FBXO2: variants seen among roughly 807,000 people sequenced by gnomAD.
FBXO2 encodes the protein F-box only protein 2.
Under a neutral mutation model 38.6 loss-of-function variants are expected in FBXO2, and 32 were observed. The ratio of observed to expected loss-of-function variants is 0.83; its 90% CI spans 0.62 to 1.11. The LOEUF is 1.11. Among genes scored for constraint, FBXO2 ranks in the 50% most tolerant of loss-of-function variants. The pLI is 0.00. For missense variants in FBXO2, 450 were observed against 418.3 expected (o/e 1.08, Z -0.66); for synonymous variants, 189 against 182.9 (o/e 1.03, Z -0.27).
rs777442572 is a variant in FBXO2, at chr1:11,648,488, G to A, written c.*206C>T. The A allele has an allele frequency of 4.6e-5, 30 of 650,788 alleles. No homozygotes were observed. The highest frequency in any genetic ancestry group is 7.3e-5 in the Non-Finnish European group (28 of 385,128). The allele number at this position is 650,788 out of a possible 1,614,324, so 40.3% of individuals were successfully genotyped here. ...GTCCAGTCCAAGCTCACGCCCTCAC[G>A]GATCTACATTCTAGAAGCCGGCTAC... On this transcript the variant is annotated 3_prime_UTR_variant, in exon 6 of 6. Transcript: ENST00000354287. The surrounding 1 kb of genome is among the most constrained non-coding windows in gnomAD (Gnocchi z 4.2).
In FBXO2 at chr1:11,648,508, G is replaced by A. The variant is rs1284983954; in HGVS notation, c.*186C>T. Reference sequence around the variant, plus strand: ...CTCACGGATCTACATTCTAGAAGCCGGCTACCTAAGCAAACCTATGCCAAC... The same window carrying A: ...CTCACGGATCTACATTCTAGAAGCCAGCTACCTAAGCAAACCTATGCCAAC... On this transcript the variant is annotated 3_prime_UTR_variant, in exon 6 of 6. Coordinates refer to ENST00000354287, the MANE Select transcript of FBXO2 (RefSeq NM_012168.6). The surrounding 1 kb of genome is among the most constrained non-coding windows in gnomAD (Gnocchi z 4.2). The A allele has an allele frequency of 4.0e-6, 3 of 756,946 alleles. No homozygotes were observed. Among genetic ancestry groups the A allele is most frequent in the Admixed American group, 2.9e-5 (1 of 34,542 alleles). The allele number at this position is 756,946 out of a possible 1,614,324, so 46.9% of individuals were successfully genotyped here.
Position 11,650,040 on chromosome 1 carries a change from A to C in FBXO2, c.426T>G (p.Gly142=), listed in dbSNP as rs759157206. ...DLEGWCDVEH[G]GDGWRVEELP... is the part of the protein sequence containing the mutation. ...GCTCCTCCACCCTCCAGCCGTCCCCACCATGCTCCACGTCACACCAGCCTT... is the reference window on the plus strand; with the variant it reads ...GCTCCTCCACCCTCCAGCCGTCCCCCCCATGCTCCACGTCACACCAGCCTT... Residue 142 remains glycine, a synonymous_variant, in exon 3 of 6, where the codon GGT becomes GGG. Coordinates refer to ENST00000354287, the MANE Select transcript of FBXO2 (RefSeq NM_012168.6). The C allele has an allele frequency of 3.1e-6, 5 of 1,613,720 alleles. No individual in the cohort carries two copies. The African/African-American group carries it at 6.7e-5, about 22-fold the overall frequency.
chr1:11,650,671 C>T lies in FBXO2; in HGVS notation c.186G>A (p.Leu62=), dbSNP rs373349311. Residue 62 remains leucine (L), a synonymous_variant, in exon 2 of 6, where the codon CTG becomes CTA. Coordinates refer to ENST00000354287, the MANE Select transcript of FBXO2 (RefSeq NM_012168.6). ...EPLLLRVLAA[L]PAAELVQACR... ...AGGCCTGCACCAGCTCGGCGGCCGG[C>T]AGTGCGGCCAGCACGCGCAGCAGCA... 1.0e-5 allele frequency: 16 copies of T among 1,542,586 alleles called. No homozygotes were observed. In the East Asian group the frequency reaches 2.7e-4, roughly 26 times the overall value.
intron 1 of FBXO2, among the ~76,000 whole-genome samples, chr1:11,652,901 G>C (rs1186445827): frequency 1.3e-5 from 2 of 152,212 alleles, no homozygotes; most frequent in Non-Finnish European, 2.9e-5. Flanking sequence ...TGAGTCCTCA[G>C]TCAATCTTAC....
In FBXO2 at chr1:11,649,174, T is replaced by C. The variant is rs1639471715; in HGVS notation, c.669A>G (p.Leu223=). The part of the protein sequence containing the change: ...AGCLYELTVK[L]LSEHENVLAE... Reference sequence around the variant, plus strand: ...CCAGCACGTTCTCGTGCTCGGACAGTAGCTTAACGGTGAGCTCGTAGAGGC... The same window carrying C: ...CCAGCACGTTCTCGTGCTCGGACAGCAGCTTAACGGTGAGCTCGTAGAGGC... Residue 223 remains leucine (L), a synonymous_variant, in exon 5 of 6, where the codon CTA becomes CTG. Transcript: ENST00000354287. The C allele has an allele frequency of 6.4e-7, 1 of 1,566,124 alleles. No homozygotes were observed. The highest frequency in any genetic ancestry group is 8.6e-7 in the Non-Finnish European group (1 of 1,156,198).
At chr1:11,650,889 GC>G in intron 1 of FBXO2, 55 bp from the exon 2 acceptor site, 9 of 1,538,344 alleles carry the variant, frequency 5.9e-6, no homozygotes, top group Non-Finnish European at 7.8e-6. Context: ...ACTCCTCCAG[GC>G]CCCAGGACTG....
chr1:11,648,972 T>TCAGCCTATCTCAGCC lies in FBXO2; in HGVS notation c.756+114_756+115insGGCTGAGATAGGCTG, dbSNP rs1639465133. 1 of 713,240 alleles carries TCAGCCTATCTCAGCC rather than the reference T, an allele frequency of 1.4e-6. No homozygotes were observed. Among genetic ancestry groups the TCAGCCTATCTCAGCC allele is most frequent in the Non-Finnish European group, 2.1e-6 (1 of 475,534 alleles). The allele number at this position is 713,240 out of a possible 1,614,324, so 44.2% of individuals were successfully genotyped here. A position where few individuals can be genotyped will look rare whatever the true frequency, so the allele number is the denominator to read the frequency against. On this transcript the variant is annotated intron_variant, in intron 5 of 5. Transcript: ENST00000354287. The surrounding 1 kb of genome is among the most constrained non-coding windows in gnomAD (Gnocchi z 4.2). ...CTCTCTCCACCACCCGGTGACTATCTCAGCCCAGCCCAGCCCAGCCCACCC... is the reference window on the plus strand; with the variant it reads ...CTCTCTCCACCACCCGGTGACTATCTCAGCCTATCTCAGCCCAGCCCAGCCCAGCCCAGCCCACCC...
Position 11,649,818 on chromosome 1 carries a change from A to C in FBXO2, c.578T>G (p.Leu193Arg). 6.2e-7 allele frequency: 1 copy of C among 1,613,902 alleles called. No individual in the cohort carries two copies. The highest frequency in any genetic ancestry group is 8.5e-7 in the Non-Finnish European group (1 of 1,179,986). ...GATGGCCGGCTGAGTCGTGTCCAGC[A>C]GCTCCTCCCAGTAGCCCTCAGCCTG... Reference protein sequence around the residue: ...DLQAEGYWEELLDTTQPAIVV... With the variant: ...DLQAEGYWEERLDTTQPAIVV... Residue 193 changes from leucine (L) to arginine (R), a missense_variant, in exon 4 of 6, where the codon CTG becomes CGG. Leu to Arg is a moderately radical substitution (Grantham distance 102). Coordinates refer to ENST00000354287, the MANE Select transcript of FBXO2 (RefSeq NM_012168.6).
Position 11,650,568 on chromosome 1 carries a change from G to A in FBXO2, c.289C>T (p.Leu97=), listed in dbSNP as rs1482467679. Residue 97 remains leucine, a synonymous_variant, in exon 2 of 6, where the codon CTG becomes TTG. Transcript: ENST00000354287. Reference sequence around the variant, plus strand: ...TCCTCCACGCCGCCCTCGGGCACCAGCCCCTCCTGCTGGCACTTGAGCAGC... The same window carrying A: ...TCCTCCACGCCGCCCTCGGGCACCAACCCCTCCTGCTGGCACTTGAGCAGC... ...LWLLKCQQEG[L]VPEGGVEEER... 2.5e-6 allele frequency: 4 copies of A among 1,595,338 alleles called. No homozygotes were observed. Among genetic ancestry groups the A allele is most frequent in the Non-Finnish European group, 3.4e-6 (4 of 1,173,030 alleles).
In FBXO2 at chr1:11,649,808, C is replaced by T. The variant is rs1390976646; in HGVS notation, c.588G>A (p.Thr196=). The change falls in exon 4 of 6, where the codon ACG becomes ACA. Residue 196 remains threonine (T), a synonymous_variant. Coordinates refer to ENST00000354287, the MANE Select transcript of FBXO2 (RefSeq NM_012168.6). The part of the protein sequence containing the change: ...AEGYWEELLD[T]TQPAIVVKDW... ...CCTTCACCACGATGGCCGGCTGAGT[C>T]GTGTCCAGCAGCTCCTCCCAGTAGC... 1.2e-6 allele frequency: 2 copies of T among 1,613,860 alleles called. No homozygotes were observed. The highest frequency in any genetic ancestry group is 2.2e-5 in the East Asian group (1 of 44,870).
Position 11,649,808 on chromosome 1 carries a change from C to G in FBXO2, c.588G>C (p.Thr196=). Residue 196 remains threonine (T), a synonymous_variant, in exon 4 of 6, where the codon ACG becomes ACC. Coordinates refer to ENST00000354287, the MANE Select transcript of FBXO2 (RefSeq NM_012168.6). ...AEGYWEELLD[T]TQPAIVVKDW... ...CCTTCACCACGATGGCCGGCTGAGT[C>G]GTGTCCAGCAGCTCCTCCCAGTAGC... The G allele has an allele frequency of 6.2e-7, 1 of 1,613,980 alleles. No individual in the cohort carries two copies. Among genetic ancestry groups the G allele is most frequent in the Non-Finnish European group, 8.5e-7 (1 of 1,180,012 alleles).
Position 11,648,561 on chromosome 1 carries a change from T to G in FBXO2, c.*133A>C. ...AACTTCTCTCTCCCTGCTCAGGGGC[T>G]GGGATCGGAGCAAGGGATGGGAGGA... is the stretch of plus-strand genomic sequence containing the variant. On this transcript the variant is annotated 3_prime_UTR_variant, in exon 6 of 6. Transcript: ENST00000354287. This position sits in a 1 kb window ranked among gnomAD's most constrained non-coding sequence, Gnocchi z 4.2. 1.6e-6 allele frequency: 2 copies of G among 1,260,188 alleles called. 1 individual carries two copies. The highest frequency in any genetic ancestry group is 5.1e-5 in the Admixed American group (2 of 39,050). 78.1% of individuals were successfully genotyped at this position (1,260,188 alleles called of 1,614,324 possible).
chr1:11,654,199 T>C, intron 1 of FBXO2, 120 bp downstream of exon 1: 1 of 1,136,460 alleles, frequency 8.8e-7, no homozygotes. Flanking sequence ...TTCGCTGGCG[T>C]GAAAGTTTGC....
At position 11,654,398 on chromosome 1, in the gene FBXO2, C is replaced by T. The variant is rs1639624691; in HGVS notation, c.-58G>A. The T allele has an allele frequency of 1.0e-5, 14 of 1,335,538 alleles. No homozygotes were observed. Among genetic ancestry groups the T allele is most frequent in the East Asian group, 3.1e-5 (1 of 31,962 alleles). The allele number at this position is 1,335,538 out of a possible 1,614,324, so 82.7% of individuals were successfully genotyped here. A position where few individuals can be genotyped will look rare whatever the true frequency, so the allele number is the denominator to read the frequency against. ...GGAGCGCTGCGGGCTGCGCGAGTCCCGGGGCGGCGAGTCCCGGCGCTGTCC... is the reference window on the plus strand; with the variant it reads ...GGAGCGCTGCGGGCTGCGCGAGTCCTGGGGCGGCGAGTCCCGGCGCTGTCC... On this transcript the variant is annotated 5_prime_UTR_variant, in exon 1 of 6. Coordinates refer to ENST00000354287, the MANE Select transcript of FBXO2 (RefSeq NM_012168.6).
chr1:11,653,029 A>G (rs1639558238), intron 1 of FBXO2, among the ~76,000 whole-genome samples: 1 of 152,222 alleles, frequency 6.6e-6, no homozygotes, highest in African/African-American at 2.4e-5. Context: ...TGAGGCCAAA[A>G]AAGGCTTAAC....
Position 11,650,725 on chromosome 1 carries a change from G to C in FBXO2, c.132C>G (p.Ala44=), listed in dbSNP as rs983173287. ...GCTCGGGCAGCTCGTCCAGGTACGC[G>C]GCGGCGGCCGCCGCCTCCTCCTCCT... ...DQQEEEAAAA[A]AYLDELPEPL... is the part of the protein sequence containing the mutation. The change falls in exon 2 of 6, where the codon GCC becomes GCG. Residue 44 remains alanine (A), a synonymous_variant. Coordinates refer to ENST00000354287, the MANE Select transcript of FBXO2 (RefSeq NM_012168.6). The C allele has an allele frequency of 6.6e-7, 1 of 1,509,654 alleles. No homozygotes were observed. The highest frequency in any genetic ancestry group is 1.8e-5 in the African/African-American group (1 of 56,408). The allele number at this position is 1,509,654 out of a possible 1,614,324, so 93.5% of individuals were successfully genotyped here. A position where few individuals can be genotyped will look rare whatever the true frequency, so the allele number is the denominator to read the frequency against.
At position 11,648,976 on chromosome 1, in the gene FBXO2, C is replaced by CCCAG; in HGVS notation, c.756+107_756+110dup. The CCCAG allele has an allele frequency of 7.7e-7, 1 of 1,299,408 alleles. No homozygotes were observed. Among genetic ancestry groups the CCCAG allele is most frequent in the Non-Finnish European group, 1.1e-6 (1 of 939,624 alleles). 80.5% of individuals were successfully genotyped at this position (1,299,408 alleles called of 1,614,324 possible). A position where few individuals can be genotyped will look rare whatever the true frequency, so the allele number is the denominator to read the frequency against. On this transcript the variant is annotated intron_variant, in intron 5 of 5. Transcript: ENST00000354287. This position sits in a 1 kb window ranked among gnomAD's most constrained non-coding sequence, Gnocchi z 4.2. ...CTCCACCACCCGGTGACTATCTCAG[C>CCCAG]CCAGCCCAGCCCAGCCCACCCCAGC...
At chr1:11,653,844 C>T (rs74054206) in intron 1 of FBXO2, among the ~76,000 whole-genome samples, 4 of 152,188 alleles carry the variant, frequency 2.6e-5, no homozygotes. Flanking sequence ...TCTCACCACC[C>T]CGGGGAGGGG....
rs550218124 is a variant in FBXO2, at chr1:11,649,653, T to TGGCAAA, written c.617+125_617+126insTTTGCC. On this transcript the variant is annotated intron_variant, in intron 4 of 5. Coordinates refer to ENST00000354287, the MANE Select transcript of FBXO2 (RefSeq NM_012168.6). ...GAAGTTGTCAACCTTTGCAGACCCG[T>TGGCAAA]GGCCCACGTGGCCTCAACCCCTGCA... 1.5e-4 allele frequency: 134 copies of TGGCAAA among 916,434 alleles called. 2 individuals are homozygous for TGGCAAA. The highest frequency in any genetic ancestry group is 1.4e-3 in the South Asian group (90 of 63,784). The allele number at this position is 916,434 out of a possible 1,614,324, so 56.8% of individuals were successfully genotyped here.
Sources: gnomAD v4.1 joint callset for allele counts (sites outside exome capture counted in the v4.1 genomes callset) on GRCh38, gnomAD v4.1.1 for gene constraint, Gnocchi (gnomAD v3.1) non-coding constraint, MANE v1.5 for transcripts, NCBI Gene and HGNC (gene_info 2026-07-23, HGNC 2026-07-21) for gene names.